The following EDNRB variants were observed in gnomAD, a reference collection of about 807,000 sequenced individuals.
The protein encoded by EDNRB is endothelin receptor type B, also known as Hirschsprung disease 2.
In EDNRB, 18 loss-of-function variants were observed where a neutral mutation model predicts 46.4. The observed-to-expected ratio is 0.39, with a 90% CI of 0.27 to 0.57. The LOEUF (loss-of-function observed/expected upper bound fraction) is 0.57, where lower values mean the gene tolerates loss of function less well. Ranked by LOEUF, EDNRB falls within the 20% of genes least tolerant of loss-of-function variation. The pLI, the probability that EDNRB is intolerant of heterozygous loss-of-function variation, is 0.61. For missense variants in EDNRB, 434 were observed against 537.5 expected (o/e 0.81, Z 1.90); for synonymous variants, 213 against 204.9 (o/e 1.04, Z -0.34).
chr13:77,937,614 G>A (rs1192355302), intron 1 of EDNRB, among the ~76,000 whole-genome samples: 1 of 152,198 alleles, frequency 6.6e-6, no homozygotes, highest in Non-Finnish European at 1.5e-5. Context: ...CTCTCTAAGA[G>A]GAAATTGTTG....
intron 1 of EDNRB, among the ~76,000 whole-genome samples, chr13:77,928,029 T>C (rs1880288331): frequency 1.3e-5 from 2 of 152,236 alleles, no homozygotes; most frequent in African/African-American, 4.8e-5. Flanking sequence ...CCTTCTGCCA[T>C]GATTGTGAGG....
Position 77,896,218 on chromosome 13 carries a change from T to G in EDNRB, c.*1982A>C. ...GATACTGACATGGAGAAGGAAAAGG[T>G]ATCAGGATGTAAAAATTCAGTACAT... On this transcript the variant is annotated 3_prime_UTR_variant, in exon 7 of 7. Coordinates refer to ENST00000646607, the MANE Select transcript of EDNRB (RefSeq NM_001122659.3). 3.9e-6 allele frequency: 1 copy of G among 257,404 alleles called. No individual in the cohort carries two copies. The highest frequency in any genetic ancestry group is 6.8e-6 in the Non-Finnish European group (1 of 148,004). 15.9% of individuals were successfully genotyped at this position (257,404 alleles called of 1,614,324 possible).
In EDNRB at chr13:77,918,536, AC is replaced by A; in HGVS notation, c.37del (p.Val13LeufsTer33). 1 of 1,595,152 alleles carries A rather than the reference AC, an allele frequency of 6.3e-7. No individual in the cohort carries two copies. Among genetic ancestry groups the A allele is most frequent in the Non-Finnish European group, 8.5e-7 (1 of 1,173,380 alleles). ...PPPSLCGRAL[V>X]ALVLACGLSR... ...CAGGCCGCAGGCAAGAACCAGCGCA[AC>A]CAGGGCGCGTCCGCACAGACTTGGA... On this transcript the variant is annotated frameshift_variant, in exon 1 of 7. Coordinates refer to ENST00000646607, the MANE Select transcript of EDNRB (RefSeq NM_001122659.3). LOFTEE classifies it high-confidence loss of function. This position sits in a 1 kb window ranked among gnomAD's most constrained non-coding sequence, Gnocchi z 4.5.
upstream of EDNRB, among the ~76,000 whole-genome samples, chr13:77,921,283 T>C (rs1306783442): frequency 6.6e-6 from 1 of 152,224 alleles, no homozygotes; most frequent in East Asian, 1.9e-4. Context: ...TAACTGGTCA[T>C]TGGGCTCAAG....
chr13:77,943,636 C>T (rs548055920), intron 1 of EDNRB, among the ~76,000 whole-genome samples: 2 of 152,176 alleles, frequency 1.3e-5, no homozygotes, highest in East Asian at 3.9e-4. Context: ...ATGTCATCCT[C>T]ATTTCAGCCT....
At chr13:77,920,125 C>A (rs2137643334), upstream of EDNRB, among the ~76,000 whole-genome samples, 1 of 152,262 alleles carries the variant, frequency 6.6e-6, no homozygotes, top group East Asian at 1.9e-4. Context: ...TCCTCTCTTC[C>A]TGCCACAGTA....
intron 1 of EDNRB, among the ~76,000 whole-genome samples, chr13:77,955,875 A>ATC (rs1255410523): frequency 3.3e-5 from 5 of 151,430 alleles, no homozygotes; most frequent in African/African-American, 1.2e-4. Flanking sequence ...CTATCTATCT[A>ATC]TCTATCTATC....
chr13:77,957,120 C>A (rs1881263598), intron 1 of EDNRB, among the ~76,000 whole-genome samples: 1 of 152,082 alleles, frequency 6.6e-6, no homozygotes, highest in Non-Finnish European at 1.5e-5. Flanking sequence ...AATCATTGAA[C>A]AATAAATTAT....
chr13:77,925,866 C>G (rs944259015), intron 1 of EDNRB, among the ~76,000 whole-genome samples: 1 of 152,174 alleles, frequency 6.6e-6, no homozygotes, highest in East Asian at 1.9e-4. Flanking sequence ...TGCCGGCCCA[C>G]GAAAGCAGCC....
In EDNRB at chr13:77,972,314, C is replaced by T. The variant is rs144251751; in HGVS notation, c.-52+3033G>A. On this transcript the variant is annotated intron_variant, in intron 1 of 7. Coordinates refer to the EDNRB transcript ENST00000646948. ...CAATTGCTTTTGTTTAACGTGCAGG[C>T]GGAATATTTGATCCATTTTAACCAG... is the stretch of plus-strand genomic sequence containing the variant. Among the ~76,000 whole-genome samples the T allele has an allele frequency of 3.8e-3, 583 of 152,264 alleles. 3 individuals carry two copies. Among genetic ancestry groups the T allele is most frequent in the African/African-American group, 0.013 (558 of 41,562 alleles).
intron 1 of EDNRB, among the ~76,000 whole-genome samples, chr13:77,958,135 T>C (rs1566337347): frequency 1.3e-5 from 2 of 152,172 alleles, no homozygotes; most frequent in Admixed American, 6.5e-5. Context: ...ACTTGCAAAG[T>C]ATTGGAAACT....
intron 1 of EDNRB, among the ~76,000 whole-genome samples, chr13:77,974,492 C>T (rs987878800): frequency 7.2e-5 from 11 of 152,040 alleles, no homozygotes; most frequent in Non-Finnish European, 1.3e-4. Context: ...ATGGAGAATA[C>T]CTTCAATTAT....
At chr13:77,941,387 T>C (rs1047585394) in intron 1 of EDNRB, among the ~76,000 whole-genome samples, 1 of 152,138 alleles carries the variant, frequency 6.6e-6, no homozygotes, top group East Asian at 1.9e-4. Flanking sequence ...TTGTCTATTC[T>C]CTGTTCTGAG....
chr13:77,903,822 G>A (rs1879132227), intron 1 of EDNRB, among the ~76,000 whole-genome samples: 1 of 151,962 alleles, frequency 6.6e-6, no homozygotes, highest in African/African-American at 2.4e-5. Flanking sequence ...CAGCTTATAA[G>A]AAGTCATCAT....
upstream of EDNRB, chr13:77,919,073 T>G: frequency 2.0e-6 from 1 of 504,146 alleles, no homozygotes; most frequent in South Asian, 3.6e-5. Flanking sequence ...TACCCCGCGA[T>G]TGAACTCGAA....
At chr13:77,939,451 G>A (rs1317898736) in intron 1 of EDNRB, 1 of 152,180 alleles carries the variant, frequency 6.6e-6, no homozygotes, top group Non-Finnish European at 1.5e-5. Flanking sequence ...TCTAATTTGA[G>A]TTTTAGTGTT....
Position 77,895,856 on chromosome 13 carries a change from C to T in EDNRB, c.*2344G>A, listed in dbSNP as rs936181333. ...CTATCAATACTAAAAGGTGTTTGAA[C>T]ATACATCCACATTAGCAGTGGATAA... is the stretch of plus-strand genomic sequence containing the variant. On this transcript the variant is annotated 3_prime_UTR_variant, in exon 7 of 7. Transcript: ENST00000646607. 8 of 152,178 alleles carry T rather than the reference C, an allele frequency of 5.3e-5. No individual in the cohort carries two copies. Among genetic ancestry groups the T allele is most frequent in the African/African-American group, 1.9e-4 (8 of 41,390 alleles). 9.4% of individuals were successfully genotyped at this position (152,178 alleles called of 1,614,324 possible).
intron 1 of EDNRB, among the ~76,000 whole-genome samples, chr13:77,935,889 G>C (rs1235466920): frequency 3.9e-5 from 6 of 152,194 alleles, no homozygotes; most frequent in Non-Finnish European, 7.3e-5. Flanking sequence ...CCATGGGGTG[G>C]ATAGGCAAAA....
At chr13:77,970,533 A>G (rs1415904272) in intron 1 of EDNRB, among the ~76,000 whole-genome samples, 2 of 152,162 alleles carry the variant, frequency 1.3e-5, no homozygotes, top group Non-Finnish European at 2.9e-5. Context: ...TCTTGTGCAT[A>G]AGTAGCAGGC....
Sources: allele counts gnomAD v4.1 joint callset (sites outside exome capture counted in the v4.1 genomes callset), GRCh38; gene constraint gnomAD v4.1.1; non-coding constraint Gnocchi (gnomAD v3.1); transcripts MANE v1.5; gene names NCBI Gene and HGNC (gene_info 2026-07-23, HGNC 2026-07-21).